CLN6: variants seen among roughly 807,000 people sequenced by gnomAD.
The protein encoded by CLN6 is ceroid-lipofuscinosis neuronal protein 6.
Under a neutral mutation model 33.3 loss-of-function variants are expected in CLN6, and 22 were observed. That is an observed-to-expected ratio of 0.66 (90% CI 0.47 to 0.94). The LOEUF (loss-of-function observed/expected upper bound fraction) is 0.94, where lower values mean the gene tolerates loss of function less well. CLN6 is among the 40% of genes least tolerant of loss of function. The pLI, the probability that CLN6 is intolerant of heterozygous loss-of-function variation, is 0.00. For synonymous variants in CLN6, 201 were observed against 174.6 expected (o/e 1.15, Z -1.19); for missense variants, 387 against 417.1 (o/e 0.93, Z 0.63).
chr15:68,254,511 T>C (rs1458472080), intron 1 of CLN6: 1 of 367,836 alleles, frequency 2.7e-6, no homozygotes, highest in African/African-American at 2.1e-5. Context: ...TAAATTTTAA[T>C]GTTGATTACA....
Position 68,256,737 on chromosome 15 carries a change from TGGCGCCTGCGCCAGTGGCTTGAA to T in CLN6, c.109_131del (p.Phe37IlefsTer4), listed in dbSNP as rs1314964392. On this transcript the variant is annotated frameshift_variant, in exon 1 of 7. Coordinates refer to the CLN6 transcript ENST00000538696. The surrounding 1 kb of genome is among the most constrained non-coding windows in gnomAD (Gnocchi z 4.1). Reference sequence around the variant, plus strand: ...TTCTCAGCGAAGTCTCACAGGACAATGGCGCCTGCGCCAGTGGCTTGAAGGCTCGGCTCAAGCCCGCCTCGCCT... The same window carrying T: ...TTCTCAGCGAAGTCTCACAGGACAATGGCTCGGCTCAAGCCCGCCTCGCCT... 39 of 699,474 alleles carry T rather than the reference TGGCGCCTGCGCCAGTGGCTTGAA, an allele frequency of 5.6e-5. No homozygotes were observed. In the Admixed American group the frequency reaches 7.7e-4, roughly 14 times the overall value. The allele number at this position is 699,474 out of a possible 1,614,324, so 43.3% of individuals were successfully genotyped here.
chr15:68,254,615 GC>G, intron 1 of CLN6: 1 of 621,352 alleles, frequency 1.6e-6, no homozygotes, highest in Non-Finnish European at 2.9e-6. Flanking sequence ...ATGTCCCGCC[GC>G]CGTTGCCGCC....
intron 2 of CLN6, 146 bp downstream of exon 2, chr15:68,218,390 C>G (rs915524502): frequency 1.2e-5 from 8 of 669,736 alleles, no homozygotes; most frequent in Non-Finnish European, 2.2e-5. Context: ...AGTCATAGAG[C>G]TAAGGATATG....
intron 1 of CLN6, among the ~76,000 whole-genome samples, chr15:68,249,252 A>G (rs1892354796): frequency 1.3e-5 from 2 of 152,238 alleles, no homozygotes; most frequent in Admixed American, 1.3e-4. Flanking sequence ...CTGCTATGCA[A>G]AGCAATACGG....
At position 68,208,108 on chromosome 15, in the gene CLN6, C is replaced by CCCCCCCCT; in HGVS notation, c.*31_*32insAGGGGGGG. ...TGCCCTCCATGGCCCACCCTCCCACCCAGCAGAGCGCCAGAGCCTGGTGCC... is the reference window on the plus strand; with the variant it reads ...TGCCCTCCATGGCCCACCCTCCCACCCCCCCCCTCAGCAGAGCGCCAGAGCCTGGTGCC... On this transcript the variant is annotated 3_prime_UTR_variant, in exon 7 of 7. Coordinates refer to ENST00000249806, the MANE Select transcript of CLN6 (RefSeq NM_017882.3). This position sits in a 1 kb window ranked among gnomAD's most constrained non-coding sequence, Gnocchi z 5.8. The CCCCCCCCT allele has an allele frequency of 6.3e-7, 1 of 1,588,914 alleles. No individual in the cohort carries two copies. Among genetic ancestry groups the CCCCCCCCT allele is most frequent in the Non-Finnish European group, 8.6e-7 (1 of 1,167,446 alleles).
chr15:68,248,648 G>A (rs982629324), intron 1 of CLN6, among the ~76,000 whole-genome samples: 5 of 115,306 alleles, frequency 4.3e-5, no homozygotes, highest in South Asian at 2.6e-4. Flanking sequence ...GTGAGACTCC[G>A]TCTCAAAAAA....
At chr15:68,243,922 G>A (rs375034530) in intron 1 of CLN6, among the ~76,000 whole-genome samples, 11 of 150,524 alleles carry the variant, frequency 7.3e-5, no homozygotes, top group African/African-American at 2.2e-4. Context: ...AAAATTAGCC[G>A]GGCCTGGTGG....
chr15:68,232,019 A>G (rs1334060625), upstream of CLN6, among the ~76,000 whole-genome samples: 1 of 152,170 alleles, frequency 6.6e-6, no homozygotes, highest in Non-Finnish European at 1.5e-5. This position sits in a 1 kb window ranked among gnomAD's most constrained non-coding sequence, Gnocchi z 4.7. Flanking sequence ...GTCTAGTCTC[A>G]GCTCTCTGAG....
chr15:68,256,689 C>G lies in CLN6; in HGVS notation c.179+1G>C. On this transcript the variant is annotated splice_donor_variant, in intron 1 of 6. Coordinates refer to the CLN6 transcript ENST00000538696. LOFTEE classifies it high-confidence loss of function. The surrounding 1 kb of genome is among the most constrained non-coding windows in gnomAD (Gnocchi z 4.1). ...GCTGCTCTCATTGCCTTGAAACTTA[C>G]TTTTTACCTTTGAATTTGAGTTTTC... 1.5e-6 allele frequency: 1 copy of G among 666,536 alleles called. No homozygotes were observed. Among genetic ancestry groups the G allele is most frequent in the Non-Finnish European group, 2.7e-6 (1 of 365,996 alleles). 41.3% of individuals were successfully genotyped at this position (666,536 alleles called of 1,614,324 possible). A position where few individuals can be genotyped will look rare whatever the true frequency, so the allele number is the denominator to read the frequency against.
chr15:68,214,255 G>T (rs371130165), intron 3 of CLN6, 35 bp downstream of exon 3: 2 of 1,476,806 alleles, frequency 1.4e-6, no homozygotes, highest in Non-Finnish European at 1.9e-6. Context: ...AAAGAATGGG[G>T]ATGACAGGAG....
chr15:68,244,582 A>G (rs1306733282), intron 1 of CLN6, among the ~76,000 whole-genome samples: 1 of 152,190 alleles, frequency 6.6e-6, no homozygotes. Flanking sequence ...ATCTGAAAGA[A>G]AAAAACACTA....
At chr15:68,223,744 G>GAAA (rs570594236) in intron 1 of CLN6, among the ~76,000 whole-genome samples, 21 of 140,792 alleles carry the variant, frequency 1.5e-4, no homozygotes, top group Admixed American at 6.4e-4. Flanking sequence ...AGTAGGACAG[G>GAAA]AAAAAAAAAA....
chr15:68,224,052 AAAC>A lies in CLN6; in HGVS notation c.84-5405_84-5403del, dbSNP rs146628174. Among the ~76,000 whole-genome samples, 810 of 151,304 alleles carry A rather than the reference AAAC, an allele frequency of 5.4e-3. 10 individuals carry two copies. The highest frequency in any genetic ancestry group is 0.019 in the African/African-American group (764 of 41,032). Reference sequence around the variant, plus strand: ...TAAGAGTGAAACTGTCTCAAAAAGAAAACAACAACAACAACAACAACAACAAAA... The same window carrying A: ...TAAGAGTGAAACTGTCTCAAAAAGAAAACAACAACAACAACAACAACAAAA... On this transcript the variant is annotated intron_variant, in intron 1 of 6. Transcript: ENST00000249806.
rs1400478204 is a variant in CLN6, at chr15:68,227,585, C to A, written c.83+1917G>T. On this transcript the variant is annotated intron_variant, in intron 1 of 6. Coordinates refer to ENST00000249806, the MANE Select transcript of CLN6 (RefSeq NM_017882.3). The surrounding 1 kb of genome is among the most constrained non-coding windows in gnomAD (Gnocchi z 4.1). The stretch of plus-strand genomic sequence containing the variant: ...AGAGCTCCCACCCTCACACCACCCC[C>A]CTGGGAATACCCTGGCTGGTGGGGA... Among the ~76,000 whole-genome samples the A allele has an allele frequency of 6.6e-6, 1 of 152,170 alleles. No homozygotes were observed. The highest frequency in any genetic ancestry group is 1.5e-5 in the Non-Finnish European group (1 of 68,018).
rs1385258978 is a variant in CLN6 at position 68,234,995 on chromosome 15, T to C, written c.180-16345A>G. Among the ~76,000 whole-genome samples, 1 of 152,196 alleles carries C rather than the reference T, an allele frequency of 6.6e-6. No homozygotes were observed. Among genetic ancestry groups the C allele is most frequent in the Non-Finnish European group, 1.5e-5 (1 of 68,028 alleles). On this transcript the variant is annotated intron_variant, in intron 1 of 6. Coordinates refer to the CLN6 transcript ENST00000538696. The surrounding 1 kb of genome is among the most constrained non-coding windows in gnomAD (Gnocchi z 4.1). ...TTGTGCCACTGCACACCAGCCTGGGTGACAGAGTGAGATTCTGTCTAAAAC... is the reference window on the plus strand; with the variant it reads ...TTGTGCCACTGCACACCAGCCTGGGCGACAGAGTGAGATTCTGTCTAAAAC...
chr15:68,250,921 C>T (rs1892372698), intron 1 of CLN6, among the ~76,000 whole-genome samples: 1 of 152,120 alleles, frequency 6.6e-6, no homozygotes, highest in African/African-American at 2.4e-5. Context: ...AAGAAGCATA[C>T]TTCTTAACTC....
At chr15:68,230,983 AG>A (rs1290968688), upstream of CLN6, among the ~76,000 whole-genome samples, 2 of 152,212 alleles carry the variant, frequency 1.3e-5, no homozygotes, top group African/African-American at 4.8e-5. This position sits in a 1 kb window ranked among gnomAD's most constrained non-coding sequence, Gnocchi z 4.0. Flanking sequence ...GCCTCTTGGA[AG>A]GGATGTGCCT....
intron 1 of CLN6, among the ~76,000 whole-genome samples, chr15:68,253,005 A>G (rs184042108): frequency 2.0e-5 from 3 of 152,358 alleles, no homozygotes; most frequent in Admixed American, 6.5e-5. Flanking sequence ...CTTAAGTTGA[A>G]TGGCGAGTTT....
chr15:68,209,551 C>A lies in CLN6; in HGVS notation c.665+86G>T. The A allele has an allele frequency of 6.4e-7, 1 of 1,572,880 alleles. No individual in the cohort carries two copies. The highest frequency in any genetic ancestry group is 1.1e-5 in the South Asian group (1 of 89,812). On this transcript the variant is annotated intron_variant, in intron 6 of 6. Transcript: ENST00000249806. This position sits in a 1 kb window ranked among gnomAD's most constrained non-coding sequence, Gnocchi z 4.9. ...GAGGGCCAGTCTCCCTGGGGCCACA[C>A]AGCAGGTCCATTGGCAAGTGCAGAA...
Sources: allele counts gnomAD v4.1 joint callset (sites outside exome capture counted in the v4.1 genomes callset), GRCh38; gene constraint gnomAD v4.1.1; non-coding constraint Gnocchi (gnomAD v3.1); transcripts MANE v1.5; gene names NCBI Gene and HGNC (gene_info 2026-07-23, HGNC 2026-07-21).